GALNTL6: variants seen among roughly 807,000 people sequenced by gnomAD.
GALNTL6 encodes the protein polypeptide N-acetylgalactosaminyltransferase like 6, also known as polypeptide N-acetylgalactosaminyltransferase-like 6.
In GALNTL6, 46 loss-of-function variants were observed where a neutral mutation model predicts 73.7. The observed-to-expected ratio is 0.62, with a 90% CI of 0.49 to 0.80. The LOEUF (loss-of-function observed/expected upper bound fraction) is 0.80. Among genes scored for constraint, GALNTL6 ranks in the 30% least tolerant of loss-of-function variants. The pLI is 0.00. For synonymous variants in GALNTL6, 259 were observed against 263.7 expected (o/e 0.98, Z 0.17); for missense variants, 604 against 755.0 (o/e 0.80, Z 2.34).
intron 5 of GALNTL6, among the ~76,000 whole-genome samples, chr4:172,411,320 A>G (rs1744426895): frequency 6.6e-6 from 1 of 152,130 alleles, no homozygotes; most frequent in Non-Finnish European, 1.5e-5. Flanking sequence ...AAATTAACTG[A>G]TATTGGTGAT....
At chr4:172,460,696 T>C (rs190773753) in intron 5 of GALNTL6, among the ~76,000 whole-genome samples, 91 of 152,280 alleles carry the variant, frequency 6.0e-4, no homozygotes, top group African/African-American at 1.8e-3. Context: ...AGAATGGCAA[T>C]CATTAAAAAG....
chr4:172,735,590 G>A (rs528829218), intron 5 of GALNTL6, among the ~76,000 whole-genome samples: 32 of 152,274 alleles, frequency 2.1e-4, no homozygotes, highest in African/African-American at 5.1e-4. Context: ...CTGTTAGGAA[G>A]GCATGATTGG....
chr4:172,119,014 A>C (rs1379287278), intron 2 of GALNTL6, among the ~76,000 whole-genome samples: 1 of 152,088 alleles, frequency 6.6e-6, no homozygotes, highest in African/African-American at 2.4e-5. Context: ...ATTCACAATA[A>C]AGTTATTTCC....
intron 10 of GALNTL6, among the ~76,000 whole-genome samples, chr4:172,968,039 C>T (rs1240095591): frequency 6.6e-6 from 1 of 152,098 alleles, no homozygotes; most frequent in Non-Finnish European, 1.5e-5. Context: ...GTTTAATCAT[C>T]AAGACCAGAC....
In GALNTL6 at chr4:171,986,037, C is replaced by CAAAA. The variant is rs10686994; in HGVS notation, c.138+171336_138+171339dup. On this transcript the variant is annotated intron_variant, in intron 2 of 12. Coordinates refer to ENST00000506823, the MANE Select transcript of GALNTL6 (RefSeq NM_001034845.3). ...TGAGTGACAGAGCCAGACTCTGTCT[C>CAAAA]AAAAAAAAAAAAAAAAAAAACACTT... Among the ~76,000 whole-genome samples, 467 of 79,320 alleles carry CAAAA rather than the reference C, an allele frequency of 5.9e-3. 5 individuals carry two copies. The highest frequency in any genetic ancestry group is 0.013 in the Middle Eastern group (1 of 76). 52.0% of individuals were successfully genotyped at this position (79,320 alleles called of 152,430 possible).
chr4:172,118,595 G>A (rs1733052754), intron 2 of GALNTL6, among the ~76,000 whole-genome samples: 1 of 152,030 alleles, frequency 6.6e-6, no homozygotes, highest in Admixed American at 6.6e-5. Flanking sequence ...AGCTACTCAG[G>A]AGGCTGAGGC....
At chr4:172,572,071 T>C (rs1245342686) in intron 5 of GALNTL6, among the ~76,000 whole-genome samples, 1 of 152,192 alleles carries the variant, frequency 6.6e-6, no homozygotes, top group Non-Finnish European at 1.5e-5. Context: ...ACTGAAATGA[T>C]GATTGTGACA....
intron 2 of GALNTL6, among the ~76,000 whole-genome samples, chr4:171,828,889 C>T (rs1734893974): frequency 6.6e-6 from 1 of 152,104 alleles, no homozygotes; most frequent in Non-Finnish European, 1.5e-5. Flanking sequence ...TCTGCCTGGG[C>T]CTCTCAAAAT....
At chr4:172,828,042 C>A (rs1425580908) in intron 7 of GALNTL6, among the ~76,000 whole-genome samples, 1 of 151,880 alleles carries the variant, frequency 6.6e-6, no homozygotes. Flanking sequence ...GAGGCCAAGC[C>A]AGGCCGATCA....
chr4:172,975,236 G>C (rs1027456029), intron 10 of GALNTL6, among the ~76,000 whole-genome samples: 1 of 152,214 alleles, frequency 6.6e-6, no homozygotes, highest in African/African-American at 2.4e-5. Flanking sequence ...GACACCCAAA[G>C]TGAGTAGCTC....
intron 5 of GALNTL6, among the ~76,000 whole-genome samples, chr4:172,636,957 G>T (rs1739721950): frequency 1.3e-5 from 2 of 151,816 alleles, no homozygotes; most frequent in African/African-American, 2.4e-5. Context: ...GGAAGAAATT[G>T]GTACAATGAG....
intron 2 of GALNTL6, among the ~76,000 whole-genome samples, chr4:171,977,298 C>G (rs1422174114): frequency 6.6e-6 from 1 of 152,150 alleles, no homozygotes; most frequent in Non-Finnish European, 1.5e-5. Flanking sequence ...TGAGTTATTA[C>G]CCTGAAAGTA....
chr4:171,946,481 C>T (rs1245908401), intron 2 of GALNTL6, among the ~76,000 whole-genome samples: 3 of 152,100 alleles, frequency 2.0e-5, no homozygotes, highest in Admixed American at 2.0e-4. Flanking sequence ...AGACATAAAC[C>T]CCTTGGTGGA....
rs549052007 is a variant in GALNTL6, at chr4:172,314,007, C to T, written c.386+2255C>T. On this transcript the variant is annotated intron_variant, in intron 4 of 12. Coordinates refer to ENST00000506823, the MANE Select transcript of GALNTL6 (RefSeq NM_001034845.3). ...GGAGAGCCAAATAATGTCTTACAGG[C>T]TCCCACTGTTTAAAGTACTATGCTT... Among the ~76,000 whole-genome samples, 3 of 152,286 alleles carry T rather than the reference C, an allele frequency of 2.0e-5. No homozygotes were observed. The South Asian group carries it at 6.2e-4, about 32-fold the overall frequency.
At chr4:172,431,716 A>G (rs1002108229) in intron 5 of GALNTL6, among the ~76,000 whole-genome samples, 2 of 152,178 alleles carry the variant, frequency 1.3e-5, no homozygotes, top group Non-Finnish European at 2.9e-5. Context: ...TGTAGTATCA[A>G]TACAAACATA....
intron 5 of GALNTL6, among the ~76,000 whole-genome samples, chr4:172,498,106 T>A (rs543093615): frequency 6.0e-4 from 90 of 149,620 alleles, no homozygotes; most frequent in African/African-American, 2.1e-3. Flanking sequence ...CTCTCCTGCC[T>A]CAGCCTCCTG....
In GALNTL6 at chr4:172,753,353, G is replaced by A. The variant is rs147109479; in HGVS notation, c.554-56008G>A. ...CCCAGTCTCAGGTAAGTCTTTATTA[G>A]CAGCATGAGAACAGACTAAAACATG... On this transcript the variant is annotated intron_variant, in intron 5 of 12. Coordinates refer to ENST00000506823, the MANE Select transcript of GALNTL6 (RefSeq NM_001034845.3). 1.8e-4 allele frequency among the ~76,000 whole-genome samples: 28 copies of A among 152,264 alleles called. No individual in the cohort carries two copies. The East Asian group carries it at 5.4e-3, about 29-fold the overall frequency.
chr4:172,414,817 T>C (rs1744567601), intron 5 of GALNTL6, among the ~76,000 whole-genome samples: 1 of 152,214 alleles, frequency 6.6e-6, no homozygotes, highest in South Asian at 2.1e-4. Context: ...TTTAGTCAAT[T>C]GAAAGGGTTT....
At chr4:172,052,546 G>T in intron 2 of GALNTL6, 1 of 1,518,358 alleles carries the variant, frequency 6.6e-7, no homozygotes, top group Non-Finnish European at 8.8e-7. Context: ...CCGGTAAAAA[G>T]CAAACGGCTG....
Sources: allele counts gnomAD v4.1 joint callset (sites outside exome capture counted in the v4.1 genomes callset), GRCh38; gene constraint gnomAD v4.1.1; transcripts MANE v1.5; gene names NCBI Gene and HGNC (gene_info 2026-07-23, HGNC 2026-07-21).